Variants in GAD1 observed in about 807,000 individuals in gnomAD.
The protein encoded by GAD1 is glutamate decarboxylase 1, also known as 67 kDa glutamic acid decarboxylase.
In GAD1, 35 loss-of-function variants were observed where a neutral mutation model predicts 75.2. The ratio of observed to expected loss-of-function variants is 0.47; its 90% CI spans 0.36 to 0.62. The LOEUF is 0.62. GAD1 is among the 20% of genes least tolerant of loss of function. GAD1 has a pLI of 0.00. For synonymous variants in GAD1, 257 were observed against 271.9 expected, an observed-to-expected ratio of 0.95 and a Z score of 0.54; for missense variants, 490 against 758.5, an observed-to-expected ratio of 0.65 and a Z score of 4.16.
intron 14 of GAD1, among the ~76,000 whole-genome samples, chr2:170,854,237 A>G (rs1280407486): frequency 6.6e-6 from 1 of 152,200 alleles, no homozygotes; most frequent in South Asian, 2.1e-4. Flanking sequence ...TTGAACTATT[A>G]TGAAGTCTTC....
chr2:170,854,098 T>C, intron 14 of GAD1, 76 bp downstream of exon 14: 1 of 1,450,160 alleles, frequency 6.9e-7, no homozygotes, highest in Non-Finnish European at 9.7e-7. Context: ...GGGGCAAAGA[T>C]ATATCACAGA....
chr2:170,829,286 C>T (rs1702158602), intron 3 of GAD1, 189 bp from the exon 4 acceptor site: 3 of 638,968 alleles, frequency 4.7e-6, no homozygotes, highest in Non-Finnish European at 8.3e-6. Flanking sequence ...CCACTGATGA[C>T]ATTTGGCACT....
chr2:170,848,682 G>C lies in GAD1; in HGVS notation c.1120-604G>C, dbSNP rs1173867345. The stretch of plus-strand genomic sequence containing the variant: ...TTCTTTCTCTCTGCCCATTTTCTTA[G>C]GGATTTAACTTCTCACAATTGGCCA... On this transcript the variant is annotated intron_variant, in intron 11 of 16. Transcript: ENST00000358196. 5.8e-6 allele frequency: 3 copies of C among 516,976 alleles called. No homozygotes were observed. The African/African-American group carries it at 5.8e-5, about 10-fold the overall frequency. 32.0% of individuals were successfully genotyped at this position (516,976 alleles called of 1,614,324 possible). A position where few individuals can be genotyped will look rare whatever the true frequency, so the allele number is the denominator to read the frequency against.
chr2:170,815,658 G>A (rs1299993625), upstream of GAD1, among the ~76,000 whole-genome samples: 1 of 152,192 alleles, frequency 6.6e-6, no homozygotes, highest in Non-Finnish European at 1.5e-5. Context: ...GTAAATACCA[G>A]TAAAGGAATC....
intron 11 of GAD1, 71 bp from the exon 12 acceptor site, chr2:170,849,215 T>G (rs754420118): frequency 7.5e-5 from 98 of 1,315,308 alleles, no homozygotes; most frequent in Non-Finnish European, 9.7e-5. Flanking sequence ...TTAGTAGAAG[T>G]GAGGACTGAC....
At chr2:170,859,262 T>C (rs537942207) in intron 16 of GAD1, among the ~76,000 whole-genome samples, 1 of 152,344 alleles carries the variant, frequency 6.6e-6, no homozygotes, top group African/African-American at 2.4e-5. Flanking sequence ...TGCTGATTCA[T>C]TCTAACTGTT....
At chr2:170,839,605 C>T (rs1702457772) in intron 6 of GAD1, among the ~76,000 whole-genome samples, 2 of 149,762 alleles carry the variant, frequency 1.3e-5, no homozygotes, top group African/African-American at 4.9e-5. Context: ...CAGAACGAGA[C>T]TCCATCTCAA....
intron 6 of GAD1, among the ~76,000 whole-genome samples, chr2:170,838,888 C>T (rs922555015): frequency 1.3e-5 from 2 of 152,140 alleles, no homozygotes; most frequent in Non-Finnish European, 2.9e-5. Flanking sequence ...AAAATATGAC[C>T]GATTCCAACA....
chr2:170,859,043 C>T (rs1355450864), intron 16 of GAD1, 150 bp downstream of exon 16: 2 of 732,210 alleles, frequency 2.7e-6, no homozygotes, highest in African/African-American at 3.5e-5. Context: ...GGGAGCCATC[C>T]TGTTATATTC....
chr2:170,821,565 T>C (rs1282874470), intron 2 of GAD1, among the ~76,000 whole-genome samples: 1 of 152,240 alleles, frequency 6.6e-6, no homozygotes, highest in African/African-American at 2.4e-5. Context: ...CAATTAATTC[T>C]TGAACTCTTC....
intron 14 of GAD1, among the ~76,000 whole-genome samples, chr2:170,855,696 A>G (rs563745904): frequency 2.6e-5 from 4 of 151,764 alleles, no homozygotes; most frequent in African/African-American, 7.2e-5. Flanking sequence ...GCAACAAAGT[A>G]AGACCCCATC....
chr2:170,841,639 A>G (rs1702519808), intron 6 of GAD1, among the ~76,000 whole-genome samples: 1 of 152,244 alleles, frequency 6.6e-6, no homozygotes, highest in African/African-American at 2.4e-5. Flanking sequence ...GATTGTAAAC[A>G]TGGCCCAGGA....
At chr2:170,840,653 T>TAGGGAAGGGAGGA (rs1553578760) in intron 6 of GAD1, among the ~76,000 whole-genome samples, 4 of 34,904 alleles carry the variant, frequency 1.1e-4, no homozygotes, top group Admixed American at 4.3e-4. Context: ...AGGAGGGAGG[T>TAGGGAAGGGAGGA]AGGGAAGGGA....
At chr2:170,851,051 A>T (rs975401648) in intron 12 of GAD1, among the ~76,000 whole-genome samples, 1 of 152,132 alleles carries the variant, frequency 6.6e-6, no homozygotes, top group African/African-American at 2.4e-5. Flanking sequence ...TGGATGAGCC[A>T]GCCCAATTTA....
chr2:170,814,302 C>T (rs1701658606), upstream of GAD1, among the ~76,000 whole-genome samples: 1 of 152,072 alleles, frequency 6.6e-6, no homozygotes, highest in Non-Finnish European at 1.5e-5. Flanking sequence ...GGTGGGTTGG[C>T]CCATAGCTAT....
chr2:170,832,338 T>C (rs1450632474), intron 5 of GAD1, among the ~76,000 whole-genome samples: 1 of 152,150 alleles, frequency 6.6e-6, no homozygotes, highest in Non-Finnish European at 1.5e-5. Context: ...TTGGCATTTG[T>C]TGGCTTGTAG....
chr2:170,820,713 C>A (rs3791874), intron 2 of GAD1, among the ~76,000 whole-genome samples: 53,485 of 152,036 alleles, frequency 0.35, 10,208 homozygotes, highest in East Asian at 0.49. Flanking sequence ...CTTTCCCTTT[C>A]TTTCATTGCA....
Position 170,846,071 on chromosome 2 carries a change from C to T in GAD1, c.1002+8C>T, listed in dbSNP as rs766396710. On this transcript the variant is annotated splice_region_variant and intron_variant, in intron 10 of 16. Coordinates refer to ENST00000358196, the MANE Select transcript of GAD1 (RefSeq NM_000817.3). ...CTTGAAGCCAAACAGAAGGTATGTA[C>T]TCCGTGGTGCATCTGAACTCCAGTT... 4 of 1,609,856 alleles carry T rather than the reference C, an allele frequency of 2.5e-6. No homozygotes were observed. In the African/African-American group the frequency reaches 5.3e-5, roughly 21 times the overall value.
chr2:170,846,015 A>G lies in GAD1; in HGVS notation c.954A>G (p.Lys318=). ...VILIKCNERG[K]IIPADFEAKI... ...CCTTTTCCAATAATTATAGGGGGAA[A>G]ATAATTCCAGCTGATTTTGAGGCAA... The change falls in exon 10 of 17, where the codon AAA becomes AAG. Residue 318 remains lysine (K), a synonymous_variant. Coordinates refer to ENST00000358196, the MANE Select transcript of GAD1 (RefSeq NM_000817.3). The G allele has an allele frequency of 6.2e-7, 1 of 1,613,456 alleles. No individual in the cohort carries two copies.
Sources: gnomAD v4.1 joint callset for allele counts (sites outside exome capture counted in the v4.1 genomes callset) on GRCh38, gnomAD v4.1.1 for gene constraint, MANE v1.5 for transcripts, NCBI Gene and HGNC (gene_info 2026-07-23, HGNC 2026-07-21) for gene names.